IL1RAPL2: variants seen among roughly 807,000 people sequenced by gnomAD.
The protein encoded by IL1RAPL2 is X-linked interleukin-1 receptor accessory protein-like 2.
IL1RAPL2 carries 3 observed loss-of-function variants against 44.1 expected under a neutral mutation model. The ratio of observed to expected loss-of-function variants is 0.07; its 90% CI spans 0.03 to 0.18. The LOEUF is 0.18. Among genes scored for constraint, IL1RAPL2 ranks in the 10% least tolerant of loss-of-function variants. IL1RAPL2 has a pLI of 1.00. For synonymous variants in IL1RAPL2, 181 were observed against 178.8 expected (o/e 1.01, Z -0.10); for missense variants, 391 against 496.4 (o/e 0.79, Z 2.02).
chrX:104,922,343 T>G (rs1924667271), intron 2 of IL1RAPL2, among the ~76,000 whole-genome samples: 3 of 113,035 alleles, frequency 2.7e-5, no homozygotes, highest in Middle Eastern at 4.6e-3. Context: ...CTCAGCTGGT[T>G]CTTGCCTGCT....
chrX:105,037,554 T>C (rs2031651846), intron 2 of IL1RAPL2, among the ~76,000 whole-genome samples: 1 of 111,066 alleles, frequency 9.0e-6, no homozygotes, highest in Admixed American at 9.7e-5. Flanking sequence ...CTTGCTGAAA[T>C]CTTCACAGCA....
At chrX:104,788,193 G>T (rs1235982833) in intron 2 of IL1RAPL2, among the ~76,000 whole-genome samples, 1 of 112,362 alleles carries the variant, frequency 8.9e-6, no homozygotes, top group Non-Finnish European at 1.9e-5. Context: ...ACTTTGCATG[G>T]AAGAAAAGTT....
chrX:105,607,240 A>G (rs1273238243), intron 6 of IL1RAPL2, among the ~76,000 whole-genome samples: 1 of 110,651 alleles, frequency 9.0e-6, no homozygotes, highest in Non-Finnish European at 1.9e-5. Flanking sequence ...TTTGTCCCCT[A>G]CTAAAAAGCC....
At chrX:104,959,193 G>A (rs770983255) in intron 2 of IL1RAPL2, among the ~76,000 whole-genome samples, 15 of 111,249 alleles carry the variant, frequency 1.3e-4, no homozygotes, top group Non-Finnish European at 1.9e-4. Context: ...CTCATGCTAG[G>A]GAAAAAGCCT....
chrX:104,580,917 A>C lies in IL1RAPL2; in HGVS notation c.-20+13866A>C, dbSNP rs1454178563. Among the ~76,000 whole-genome samples the C allele has an allele frequency of 2.7e-5, 3 of 112,311 alleles. No homozygotes were observed. In the Admixed American group the frequency reaches 2.8e-4, roughly 11 times the overall value. On this transcript the variant is annotated intron_variant, in intron 1 of 10. Coordinates refer to ENST00000372582, the MANE Select transcript of IL1RAPL2 (RefSeq NM_017416.2). ...ACCTGCCAAGTGAGATGGGCAGTTG[A>C]ACTATGTGCCTTTAGGTGCCTTTGA... is the stretch of plus-strand genomic sequence containing the variant.
chrX:105,333,839 GC>G (rs1187480740), intron 5 of IL1RAPL2, among the ~76,000 whole-genome samples: 1 of 111,870 alleles, frequency 8.9e-6, no homozygotes, highest in Non-Finnish European at 1.9e-5. Flanking sequence ...AGTTAAAATG[GC>G]AAATGGCTTT....
chrX:104,909,310 T>G (rs1170649286), intron 2 of IL1RAPL2, among the ~76,000 whole-genome samples: 4 of 111,663 alleles, frequency 3.6e-5, no homozygotes, highest in African/African-American at 9.8e-5. Context: ...TAGCTCAGAG[T>G]AATTTGATCG....
chrX:105,047,706 T>C (rs183941240), intron 2 of IL1RAPL2, among the ~76,000 whole-genome samples: 11 of 111,704 alleles, frequency 9.8e-5, no homozygotes, highest in African/African-American at 3.2e-4. Context: ...ACTTCAGGAT[T>C]ATGCAAGCAG....
chrX:105,562,850 A>G (rs961510379), intron 6 of IL1RAPL2, among the ~76,000 whole-genome samples: 8 of 112,186 alleles, frequency 7.1e-5, no homozygotes, highest in Non-Finnish European at 1.3e-4. Flanking sequence ...CAATTAATAT[A>G]TATTTAGTGC....
intron 3 of IL1RAPL2, among the ~76,000 whole-genome samples, chrX:105,233,051 A>C: frequency 8.9e-6 from 1 of 112,073 alleles, no homozygotes; most frequent in East Asian, 2.8e-4. Flanking sequence ...TGGGAGGCCG[A>C]GGCGGGCGGA....
chrX:104,716,702 C>A, intron 2 of IL1RAPL2, among the ~76,000 whole-genome samples: 1 of 111,153 alleles, frequency 9.0e-6, no homozygotes, highest in African/African-American at 3.3e-5. Flanking sequence ...TAGAGAAATG[C>A]AAATTAAAAC....
chrX:105,464,363 A>T (rs1358155318), intron 5 of IL1RAPL2, among the ~76,000 whole-genome samples: 2 of 111,710 alleles, frequency 1.8e-5, no homozygotes, highest in African/African-American at 6.5e-5. Flanking sequence ...TATAGCTAAT[A>T]AGCACAATAA....
intron 2 of IL1RAPL2, among the ~76,000 whole-genome samples, chrX:104,877,419 G>C (rs1252101794): frequency 2.7e-5 from 3 of 111,918 alleles, no homozygotes; most frequent in Non-Finnish European, 5.6e-5. Flanking sequence ...AATAGAAAAA[G>C]AGGGAATCCT....
intron 2 of IL1RAPL2, among the ~76,000 whole-genome samples, chrX:105,189,475 C>T (rs1221262766): frequency 8.9e-6 from 1 of 112,038 alleles, no homozygotes; most frequent in Non-Finnish European, 1.9e-5. Flanking sequence ...AAGTGACCTG[C>T]CTGTCTCTGC....
chrX:105,556,270 A>G (rs1002694296), intron 6 of IL1RAPL2, among the ~76,000 whole-genome samples: 1 of 111,593 alleles, frequency 9.0e-6, no homozygotes, highest in Admixed American at 9.5e-5. Context: ...GCAAAGTTTT[A>G]TTTTAGTAAT....
At chrX:105,119,886 T>C (rs1031292776) in intron 2 of IL1RAPL2, among the ~76,000 whole-genome samples, 2 of 111,021 alleles carry the variant, frequency 1.8e-5, no homozygotes, top group Non-Finnish European at 3.8e-5. Flanking sequence ...TAATTTAGTA[T>C]AGTAATTAAA....
chrX:104,949,229 A>C (rs1925492386), intron 2 of IL1RAPL2, among the ~76,000 whole-genome samples: 2 of 108,858 alleles, frequency 1.8e-5, no homozygotes, highest in Admixed American at 9.8e-5. Context: ...GTATTCTCTG[A>C]TGGTAGTTTG....
chrX:105,280,973 C>T (rs1266008764), intron 5 of IL1RAPL2, among the ~76,000 whole-genome samples: 1 of 111,184 alleles, frequency 9.0e-6, no homozygotes, highest in Non-Finnish European at 1.9e-5. Flanking sequence ...GGCACATGCG[C>T]CCATGTTTAT....
intron 6 of IL1RAPL2, among the ~76,000 whole-genome samples, chrX:105,509,214 A>G (rs1472812926): frequency 8.9e-6 from 1 of 112,214 alleles, no homozygotes; most frequent in Non-Finnish European, 1.9e-5. Context: ...AAATTATATG[A>G]TAGAAAATAA....
Sources: allele counts gnomAD v4.1 joint callset (sites outside exome capture counted in the v4.1 genomes callset), GRCh38; gene constraint gnomAD v4.1.1; transcripts MANE v1.5; gene names NCBI Gene and HGNC (gene_info 2026-07-23, HGNC 2026-07-21).